Variants in IRAK4 observed in about 807,000 individuals in gnomAD.
IRAK4 encodes the protein interleukin 1 receptor associated kinase 4, also known as interleukin-1 receptor-associated kinase 4.
In IRAK4, 44 loss-of-function variants were observed where a neutral mutation model predicts 51.8. The observed-to-expected ratio is 0.85, with a 90% CI of 0.67 to 1.09. The LOEUF (loss-of-function observed/expected upper bound fraction) is 1.09, where lower values mean the gene tolerates loss of function less well. Among genes scored for constraint, IRAK4 ranks in the 50% least tolerant of loss-of-function variants. IRAK4 has a pLI of 0.00. For synonymous variants in IRAK4, 149 were observed against 174.1 expected (o/e 0.86, Z 1.13); for missense variants, 487 against 538.0 (o/e 0.91, Z 0.94).
At chr12:43,770,163 A>C (rs1375257961) in intron 2 of IRAK4, among the ~76,000 whole-genome samples, 4 of 152,256 alleles carry the variant, frequency 2.6e-5, no homozygotes. Context: ...GTTACTTTTC[A>C]AAACTAATTT....
intron 10 of IRAK4, among the ~76,000 whole-genome samples, chr12:43,784,046 A>G (rs1014125260): frequency 6.6e-6 from 1 of 152,146 alleles, no homozygotes; most frequent in African/African-American, 2.4e-5. Flanking sequence ...ACTGTTAATA[A>G]CAGTGTTTCC....
At chr12:43,773,944 T>C (rs577644713) in intron 5 of IRAK4, 21 bp from the exon 6 acceptor site, 7 of 1,495,180 alleles carry the variant, frequency 4.7e-6, no homozygotes, top group East Asian at 2.3e-5. Context: ...TAGTATTACA[T>C]TGTATATTTT....
At chr12:43,772,074 C>A (rs1940823953) in intron 3 of IRAK4, 106 bp from the exon 4 acceptor site, 3 of 856,778 alleles carry the variant, frequency 3.5e-6, no homozygotes, top group Non-Finnish European at 1.9e-6. Context: ...ATGAGACCAA[C>A]CTGTAGAAAC....
chr12:43,785,286 C>T (rs1470105895), intron 10 of IRAK4, among the ~76,000 whole-genome samples: 3 of 152,116 alleles, frequency 2.0e-5, no homozygotes, highest in African/African-American at 7.2e-5. Context: ...CCCAACTCCA[C>T]GATCTTATTC....
At chr12:43,779,162 G>A (rs149544840) in intron 8 of IRAK4, among the ~76,000 whole-genome samples, 6 of 152,256 alleles carry the variant, frequency 3.9e-5, no homozygotes, top group African/African-American at 1.4e-4. Context: ...CACTAGGGCA[G>A]CTGAGGAGGG....
At chr12:43,772,440 T>G in intron 4 of IRAK4, 78 bp downstream of exon 4, 1 of 1,334,930 alleles carries the variant, frequency 7.5e-7, no homozygotes, top group Non-Finnish European at 1.1e-6. Context: ...GCTCTTGCTC[T>G]TTTGTTTGTG....
Position 43,786,857 on chromosome 12 carries a change from A to C in IRAK4, c.*142A>C, listed in dbSNP as rs1271802430. 5.7e-6 allele frequency: 4 copies of C among 703,606 alleles called. No homozygotes were observed. The highest frequency in any genetic ancestry group is 9.8e-6 in the Non-Finnish European group (4 of 408,620). 43.6% of individuals were successfully genotyped at this position (703,606 alleles called of 1,614,324 possible). A position where few individuals can be genotyped will look rare whatever the true frequency, so the allele number is the denominator to read the frequency against. On this transcript the variant is annotated 3_prime_UTR_variant, in exon 12 of 12. Transcript: ENST00000613694. Reference sequence around the variant, plus strand: ...ACAGTGGTTATTAAAGCATGGGTTGAACTTCCAAAATATAAAAATAGAGCC... The same window carrying C: ...ACAGTGGTTATTAAAGCATGGGTTGCACTTCCAAAATATAAAAATAGAGCC...
At position 43,773,108 on chromosome 12, in the gene IRAK4, G is replaced by A. The variant is rs1485124501; in HGVS notation, c.651+36G>A. 1.9e-6 allele frequency: 3 copies of A among 1,575,146 alleles called. No homozygotes were observed. The East Asian group carries it at 6.8e-5, about 36-fold the overall frequency. On this transcript the variant is annotated intron_variant, in intron 5 of 11. Coordinates refer to ENST00000613694, the MANE Select transcript of IRAK4 (RefSeq NM_016123.4). ...TTTTCAGGAATAAAAAGAAAGAGTTGCTTCATAGTGTGCCCTATAATAGGT... is the reference window on the plus strand; with the variant it reads ...TTTTCAGGAATAAAAAGAAAGAGTTACTTCATAGTGTGCCCTATAATAGGT...
chr12:43,783,680 A>C lies in IRAK4; in HGVS notation c.1144A>C (p.Thr382Pro). ...TTCATAGGTTTTACTAGAAATAATA[A>C]CTGGACTTCCAGCTGTGGATGAACA... ...SFGVVLLEII[T>P]GLPAVDEHRE... The change falls in exon 10 of 12, where the codon ACT becomes CCT. Residue 382 changes from threonine (T) to proline (P), a missense_variant. By Grantham distance (38) the Thr-to-Pro change is conservative. Coordinates refer to ENST00000613694, the MANE Select transcript of IRAK4 (RefSeq NM_016123.4). The C allele has an allele frequency of 6.2e-7, 1 of 1,606,010 alleles. No individual in the cohort carries two copies. The highest frequency in any genetic ancestry group is 8.5e-7 in the Non-Finnish European group (1 of 1,173,070).
At chr12:43,772,757 T>C (rs539453796) in intron 4 of IRAK4, among the ~76,000 whole-genome samples, 155 bp from the exon 5 acceptor site, 2 of 152,322 alleles carry the variant, frequency 1.3e-5, no homozygotes, top group South Asian at 2.1e-4. Context: ...GAAAAACTTA[T>C]AATTTGTATT....
chr12:43,776,554 C>T (rs1440139146), intron 6 of IRAK4, among the ~76,000 whole-genome samples: 1 of 152,212 alleles, frequency 6.6e-6, no homozygotes, highest in Non-Finnish European at 1.5e-5. Context: ...TTATCATGTG[C>T]CAGATACGTT....
At position 43,787,679 on chromosome 12, in the gene IRAK4, C is replaced by A. The variant is rs1942302045; in HGVS notation, c.*964C>A. On this transcript the variant is annotated 3_prime_UTR_variant, in exon 12 of 12. Transcript: ENST00000613694. ...ATGATAACCACAGCCTGGGCTGACA[C>A]CTGGATTTCAGCTTTGCATGATCCT... 1 of 152,234 alleles carries A rather than the reference C, an allele frequency of 6.6e-6. No homozygotes were observed. 9.4% of individuals were successfully genotyped at this position (152,234 alleles called of 1,614,324 possible).
At chr12:43,786,097 G>A (rs1216055402) in intron 10 of IRAK4, among the ~76,000 whole-genome samples, 1 of 149,486 alleles carries the variant, frequency 6.7e-6, no homozygotes, top group Non-Finnish European at 1.5e-5. Flanking sequence ...GGAGTGGCGT[G>A]ATCTCGGCTC....
chr12:43,763,429 ATGT>A (rs1356910511), intron 1 of IRAK4: 3 of 152,192 alleles, frequency 2.0e-5, no homozygotes, highest in Non-Finnish European at 2.9e-5. Context: ...CTTTAAAACA[ATGT>A]TGTTCTTCTG....
chr12:43,774,080 G>T (rs997926807), intron 6 of IRAK4, 51 bp downstream of exon 6: 1 of 1,271,212 alleles, frequency 7.9e-7, no homozygotes, highest in Middle Eastern at 1.9e-4. Context: ...AAGACAAGGA[G>T]TAAAGAACCT....
In IRAK4 at chr12:43,772,165, T is replaced by C; in HGVS notation, c.308-15T>C. ...TCTTACTGAAAAACCACTTGTATCT[T>C]ACTTCATTTGTTAGATGCTGTTCCC... On this transcript the variant is annotated splice_polypyrimidine_tract_variant and intron_variant, in intron 3 of 11. Transcript: ENST00000613694. 1.2e-6 allele frequency: 2 copies of C among 1,605,686 alleles called. No homozygotes were observed. The highest frequency in any genetic ancestry group is 2.2e-5 in the East Asian group (1 of 44,816).
At position 43,764,396 on chromosome 12, in the gene IRAK4, C is replaced by T. The variant is rs189141108; in HGVS notation, c.-9-3707C>T. Reference sequence around the variant, plus strand: ...CCAAAATTGCACCACTGCACTACAGCCTGGATGATAGAGCAAGACTCCAAA... The same window carrying T: ...CCAAAATTGCACCACTGCACTACAGTCTGGATGATAGAGCAAGACTCCAAA... On this transcript the variant is annotated intron_variant, in intron 1 of 11. Transcript: ENST00000613694. Among the ~76,000 whole-genome samples, 551 of 152,300 alleles carry T rather than the reference C, an allele frequency of 3.6e-3. 2 individuals carry two copies. Among genetic ancestry groups the T allele is most frequent in the Middle Eastern group, 0.031 (9 of 294 alleles).
At position 43,783,733 on chromosome 12, in the gene IRAK4, A is replaced by G. The variant is rs182292552; in HGVS notation, c.1188+9A>G. ...GTGAACCTCAGTTATTGGTAAATGA[A>G]ATATTCATTTTCCTCAATCCTTTTT... is the stretch of plus-strand genomic sequence containing the variant. On this transcript the variant is annotated intron_variant, in intron 10 of 11. Transcript: ENST00000613694. 6.3e-6 allele frequency: 10 copies of G among 1,577,108 alleles called. No individual in the cohort carries two copies. The East Asian group carries it at 2.2e-4, about 35-fold the overall frequency.
At chr12:43,783,800 A>G (rs1941986757) in intron 10 of IRAK4, 76 bp downstream of exon 10, 1 of 953,040 alleles carries the variant, frequency 1.0e-6, no homozygotes, top group Admixed American at 2.0e-5. Context: ...TAAATTTGAC[A>G]TCTAAAAATA....
Sources: allele counts gnomAD v4.1 joint callset (sites outside exome capture counted in the v4.1 genomes callset), GRCh38; gene constraint gnomAD v4.1.1; transcripts MANE v1.5; gene names NCBI Gene and HGNC (gene_info 2026-07-23, HGNC 2026-07-21).